Variants in CSMD1 observed in about 807,000 individuals in gnomAD.
CSMD1 encodes CUB and Sushi multiple domains 1.
A neutral mutation model predicts 417.5 loss-of-function variants in CSMD1; 213 were observed. The observed-to-expected ratio is 0.51, with a 90% CI of 0.46 to 0.57. The LOEUF is 0.57. Among genes scored for constraint, CSMD1 ranks in the 20% least tolerant of loss-of-function variants. The pLI is 0.00. For missense variants in CSMD1, 6,923 were observed against 4,529.7 expected (o/e 1.53, Z -15.17); for synonymous variants, 2,862 against 1,736.8 (o/e 1.65, Z -16.11).
intron 3 of CSMD1, among the ~76,000 whole-genome samples, chr8:4,230,478 C>T (rs1160891649): frequency 6.6e-6 from 1 of 152,132 alleles, no homozygotes; most frequent in Non-Finnish European, 1.5e-5. Flanking sequence ...CTATTAAACT[C>T]TGCTCAAAGT....
intron 2 of CSMD1, among the ~76,000 whole-genome samples, chr8:4,519,122 T>A (rs373849974): frequency 6.6e-6 from 1 of 152,192 alleles, no homozygotes; most frequent in African/African-American, 2.4e-5. Context: ...TTTGCGACGC[T>A]AATAGTATTT....
At chr8:4,819,908 G>A (rs1468257085) in intron 1 of CSMD1, among the ~76,000 whole-genome samples, 2 of 152,156 alleles carry the variant, frequency 1.3e-5, no homozygotes, top group Non-Finnish European at 2.9e-5. Flanking sequence ...GGGGTGGGGA[G>A]AACCATTTAT....
intron 1 of CSMD1, among the ~76,000 whole-genome samples, chr8:4,878,906 A>G (rs1029261171): frequency 4.6e-5 from 7 of 151,534 alleles, no homozygotes; most frequent in African/African-American, 1.7e-4. Flanking sequence ...CTCCGAGCAG[A>G]GAGAACGACA....
At position 3,968,256 on chromosome 8, in the gene CSMD1, G is replaced by A. The variant is rs145616448; in HGVS notation, c.818+29647C>T. Among the ~76,000 whole-genome samples, 520 of 152,058 alleles carry A rather than the reference G, an allele frequency of 3.4e-3. 2 individuals carry two copies. The highest frequency in any genetic ancestry group is 0.011 in the African/African-American group (463 of 41,452). The stretch of plus-strand genomic sequence containing the variant: ...ATAATCATATTTCTCAATGTACTTT[G>A]TTTTCCAGGTATAGGTAGTATGAGT... On this transcript the variant is annotated intron_variant, in intron 5 of 69. Transcript: ENST00000635120.
chr8:4,318,702 T>C lies in CSMD1; in HGVS notation c.415+101251A>G, dbSNP rs548329790. Among the ~76,000 whole-genome samples, 16 of 83,160 alleles carry C rather than the reference T, an allele frequency of 1.9e-4. No homozygotes were observed. In the South Asian group the frequency reaches 4.5e-3, roughly 24 times the overall value. 54.6% of individuals were successfully genotyped at this position (83,160 alleles called of 152,430 possible). ...TTTTTAACTCAAAGGCTTAATATTA[T>C]TTTAAAATCTCAAAAAAAAAAAAAA... On this transcript the variant is annotated intron_variant, in intron 3 of 69. Coordinates refer to ENST00000635120, the MANE Select transcript of CSMD1 (RefSeq NM_033225.6).
At chr8:4,937,509 G>A (rs921283690) in intron 1 of CSMD1, among the ~76,000 whole-genome samples, 3 of 152,022 alleles carry the variant, frequency 2.0e-5, no homozygotes, top group African/African-American at 7.2e-5. Context: ...AGCACAGAAT[G>A]GTGACAAAAA....
At chr8:4,307,173 C>A (rs1374860614) in intron 3 of CSMD1, among the ~76,000 whole-genome samples, 4 of 152,146 alleles carry the variant, frequency 2.6e-5, no homozygotes, top group African/African-American at 9.7e-5. Flanking sequence ...AGCACAGGCT[C>A]CATTTAATAC....
chr8:3,028,261 T>C (rs1563254220), intron 51 of CSMD1, among the ~76,000 whole-genome samples: 2 of 152,188 alleles, frequency 1.3e-5, no homozygotes, highest in African/African-American at 2.4e-5. Context: ...TAATCTCTCC[T>C]TACCGGTGCT....
chr8:4,050,458 T>C (rs541864942), intron 3 of CSMD1, among the ~76,000 whole-genome samples: 1 of 152,286 alleles, frequency 6.6e-6, no homozygotes, highest in South Asian at 2.1e-4. Flanking sequence ...GGTACATATT[T>C]TGATACAGGC....
chr8:4,431,223 C>G (rs944935270), intron 2 of CSMD1, among the ~76,000 whole-genome samples: 1 of 151,898 alleles, frequency 6.6e-6, no homozygotes, highest in Non-Finnish European at 1.5e-5. Flanking sequence ...ATTATCTCAA[C>G]AACATTAAAA....
intron 7 of CSMD1, among the ~76,000 whole-genome samples, chr8:3,650,307 G>A (rs760667545): frequency 1.3e-5 from 2 of 151,874 alleles, no homozygotes; most frequent in Non-Finnish European, 2.9e-5. Flanking sequence ...AAAGAAAAAA[G>A]AAAATGAATG....
chr8:3,876,386 A>G (rs147064697), intron 5 of CSMD1, among the ~76,000 whole-genome samples: 2 of 152,136 alleles, frequency 1.3e-5, no homozygotes, highest in African/African-American at 2.4e-5. Flanking sequence ...TACTCAATAA[A>G]CTTTCCTGTA....
intron 10 of CSMD1, among the ~76,000 whole-genome samples, chr8:3,501,009 T>A (rs1489759519): frequency 6.6e-6 from 1 of 152,148 alleles, no homozygotes; most frequent in South Asian, 2.1e-4. Context: ...GCTACTTTGA[T>A]TCAAATAATA....
At chr8:4,468,795 G>C (rs1218376215) in intron 2 of CSMD1, among the ~76,000 whole-genome samples, 1 of 151,984 alleles carries the variant, frequency 6.6e-6, no homozygotes, top group African/African-American at 2.4e-5. Flanking sequence ...TTCATATAAT[G>C]GATAATCAAT....
intron 41 of CSMD1, among the ~76,000 whole-genome samples, chr8:3,126,858 G>C (rs750723476): frequency 6.6e-6 from 1 of 152,164 alleles, no homozygotes; most frequent in Non-Finnish European, 1.5e-5. Context: ...GCCTGCACAT[G>C]AAACGTGCTC....
chr8:4,630,915 C>G (rs1802472653), intron 2 of CSMD1, among the ~76,000 whole-genome samples: 1 of 152,136 alleles, frequency 6.6e-6, no homozygotes, highest in Non-Finnish European at 1.5e-5. Context: ...GGTCACTGTC[C>G]CAGTCCTGAC....
At chr8:4,069,968 G>C (rs1233545818) in intron 3 of CSMD1, among the ~76,000 whole-genome samples, 6 of 151,646 alleles carry the variant, frequency 4.0e-5, no homozygotes, top group African/African-American at 7.3e-5. Context: ...CTCTACTTTT[G>C]TTTTTCTGTT....
chr8:3,606,562 G>C (rs1199524090), intron 8 of CSMD1, among the ~76,000 whole-genome samples: 1 of 152,078 alleles, frequency 6.6e-6, no homozygotes. Flanking sequence ...GTCAGTAAGT[G>C]GTGAGTGAAT....
intron 20 of CSMD1, among the ~76,000 whole-genome samples, chr8:3,365,696 T>G (rs998895714): frequency 3.9e-5 from 6 of 152,202 alleles, no homozygotes; most frequent in Non-Finnish European, 5.9e-5. Context: ...CTGTAGGCTT[T>G]TGGTCAACAG....
Sources: allele counts gnomAD v4.1 joint callset (sites outside exome capture counted in the v4.1 genomes callset), GRCh38; gene constraint gnomAD v4.1.1; transcripts MANE v1.5; gene names NCBI Gene and HGNC (gene_info 2026-07-23, HGNC 2026-07-21).